Variants in VPS13D observed in about 807,000 individuals in gnomAD.
VPS13D encodes the protein intermembrane lipid transfer protein VPS13D.
A neutral mutation model predicts 461.9 loss-of-function variants in VPS13D; 187 were observed. The ratio of observed to expected loss-of-function variants is 0.40; its 90% CI spans 0.36 to 0.46. The LOEUF (loss-of-function observed/expected upper bound fraction) is 0.46. Among genes scored for constraint, VPS13D ranks in the 20% least tolerant of loss-of-function variants. The probability of loss-of-function intolerance (pLI) is 0.60; values close to 1 mark genes in which losing one functional copy is unlikely to be tolerated. For synonymous variants in VPS13D, 1,951 were observed against 1,986.3 expected (o/e 0.98, Z 0.47); for missense variants, 4,711 against 5,364.9 (o/e 0.88, Z 3.81).
intron 67 of VPS13D, among the ~76,000 whole-genome samples, chr1:12,491,121 C>T (rs1645875026): frequency 6.6e-6 from 1 of 152,152 alleles, no homozygotes; most frequent in African/African-American, 2.4e-5. Flanking sequence ...TGTGCACACT[C>T]GAGCACAGTA....
intron 65 of VPS13D, among the ~76,000 whole-genome samples, chr1:12,454,629 T>C (rs916312339): frequency 6.6e-6 from 1 of 152,232 alleles, no homozygotes; most frequent in Non-Finnish European, 1.5e-5. Context: ...CAGAACTCAC[T>C]GTCACATGTG....
intron 36 of VPS13D, 50 bp from the exon 37 acceptor site, chr1:12,329,779 T>C: frequency 6.8e-7 from 1 of 1,480,890 alleles, no homozygotes; most frequent in East Asian, 2.3e-5. Flanking sequence ...CAAAAGGCAG[T>C]TTTGGTTGCT....
intron 17 of VPS13D, among the ~76,000 whole-genome samples, chr1:12,271,737 A>T (rs1641447567): frequency 6.6e-6 from 1 of 152,110 alleles, no homozygotes; most frequent in African/African-American, 2.4e-5. Context: ...TGCATGTTTC[A>T]TGTGAGAGTT....
rs562796593 is a variant in VPS13D, at chr1:12,476,542, T to G, written c.12662+16146T>G. On this transcript the variant is annotated intron_variant, in intron 67 of 69. Coordinates refer to ENST00000620676, the MANE Select transcript of VPS13D (RefSeq NM_015378.4). ...GCTTTGTAGATTGTCCTGGGAGATGTGGCATATTATGACTAAAGACTTAAT... is the reference window on the plus strand; with the variant it reads ...GCTTTGTAGATTGTCCTGGGAGATGGGGCATATTATGACTAAAGACTTAAT... Among the ~76,000 whole-genome samples the G allele has an allele frequency of 6.6e-4, 100 of 152,372 alleles. 3 individuals carry two copies. The South Asian group carries it at 0.02, about 30-fold the overall frequency.
At chr1:12,352,499 G>C (rs1643817455) in intron 46 of VPS13D, among the ~76,000 whole-genome samples, 3 of 152,106 alleles carry the variant, frequency 2.0e-5, no homozygotes, top group Admixed American at 2.0e-4. Context: ...TATTCACTAG[G>C]GAAATGCATA....
chr1:12,342,932 A>G lies in VPS13D; in HGVS notation c.8766A>G (p.Val2922=). The G allele has an allele frequency of 6.2e-7, 1 of 1,613,702 alleles. No homozygotes were observed. Among genetic ancestry groups the G allele is most frequent in the Non-Finnish European group, 8.5e-7 (1 of 1,179,632 alleles). Residue 2922 remains valine, a synonymous_variant, in exon 42 of 70, where the codon GTA becomes GTG. Coordinates refer to ENST00000620676, the MANE Select transcript of VPS13D (RefSeq NM_015378.4). ...TCTCTCACAGTGGGAGTCCAGGGGT[A>G]GTTCCAGAAGGGAACGGAACATTTC... ...AALSHSGSPG[V]VPEGNGTFLD... is the part of the protein sequence containing the mutation.
chr1:12,456,708 C>T (rs1302339049), intron 66 of VPS13D, among the ~76,000 whole-genome samples: 1 of 151,462 alleles, frequency 6.6e-6, no homozygotes, highest in Non-Finnish European at 1.5e-5. Flanking sequence ...ACCTGATAGC[C>T]TTCCAAGCTC....
rs771455467 is a variant in VPS13D, at chr1:12,308,428, T to C, written c.6440-3T>C. 1 of 1,614,192 alleles carries C rather than the reference T, an allele frequency of 6.2e-7. No homozygotes were observed. The highest frequency in any genetic ancestry group is 8.5e-7 in the Non-Finnish European group (1 of 1,180,026). On this transcript the variant is annotated splice_polypyrimidine_tract_variant and splice_region_variant and intron_variant, in intron 26 of 69. Coordinates refer to ENST00000620676, the MANE Select transcript of VPS13D (RefSeq NM_015378.4). ...TTACCTCTCTTTCCTTGGGTCCTTGTAGAAGACCATGTCTGCCTGCTGGAT... is the reference window on the plus strand; with the variant it reads ...TTACCTCTCTTTCCTTGGGTCCTTGCAGAAGACCATGTCTGCCTGCTGGAT...
At chr1:12,386,839 T>A (rs1018215236) in intron 60 of VPS13D, among the ~76,000 whole-genome samples, 1 of 152,184 alleles carries the variant, frequency 6.6e-6, no homozygotes, top group Non-Finnish European at 1.5e-5. Flanking sequence ...AGCTGAGCCC[T>A]GTAATTGCCT....
chr1:12,258,747 T>G (rs1384195890), intron 10 of VPS13D, among the ~76,000 whole-genome samples: 1 of 152,268 alleles, frequency 6.6e-6, no homozygotes, highest in African/African-American at 2.4e-5. Context: ...CAGTAGCAGC[T>G]TAGACTGTGT....
intron 66 of VPS13D, among the ~76,000 whole-genome samples, chr1:12,459,482 C>CTTTTTTTTTT (rs869264869): frequency 6.9e-5 from 9 of 131,348 alleles, no homozygotes; most frequent in Non-Finnish European, 9.9e-5. Context: ...CTTTTCTTTT[C>CTTTTTTTTTT]TTTTTTTTTT....
At chr1:12,373,424 T>G (rs1263008849) in intron 54 of VPS13D, among the ~76,000 whole-genome samples, 1 of 151,898 alleles carries the variant, frequency 6.6e-6, no homozygotes, top group Admixed American at 6.6e-5. Context: ...CCTGGCCAAA[T>G]TTTTTGCCTT....
intron 65 of VPS13D, among the ~76,000 whole-genome samples, chr1:12,419,083 G>C (rs1229946792): frequency 6.6e-6 from 1 of 152,166 alleles, no homozygotes; most frequent in Non-Finnish European, 1.5e-5. Flanking sequence ...GTCAGCATGA[G>C]ATTATAACTT....
At position 12,385,587 on chromosome 1, in the gene VPS13D, A is replaced by G. The variant is rs113890397; in HGVS notation, c.11484+214A>G. Among the ~76,000 whole-genome samples the G allele has an allele frequency of 9.7e-3, 1,480 of 152,370 alleles. 14 individuals carry two copies. The highest frequency in any genetic ancestry group is 0.015 in the Non-Finnish European group (1,023 of 68,040). On this transcript the variant is annotated intron_variant, in intron 59 of 69. Transcript: ENST00000620676. The stretch of plus-strand genomic sequence containing the variant: ...GAATCAGCATGTAGTAAGCATTGCT[A>G]AACTATTATTACAATAAAGGAAGCT...
rs754945938 is a variant in VPS13D, at chr1:12,349,361, A to G, written c.9418A>G (p.Ser3140Gly). The G allele has an allele frequency of 2.5e-6, 4 of 1,614,154 alleles. No homozygotes were observed. The highest frequency in any genetic ancestry group is 1.1e-5 in the South Asian group (1 of 91,084). Residue 3140 changes from serine to glycine, a missense_variant, in exon 46 of 70, where the codon AGC becomes GGC. Around this residue, in one of 3 missense-constraint regions of VPS13D, gnomAD observed 4,411 missense variants for 4,937.8 expected, o/e 0.89. Coordinates refer to ENST00000620676, the MANE Select transcript of VPS13D (RefSeq NM_015378.4). ...RECHSMDTEK[S>G]RFFRFCVAIK... ...GTGCCACTCTATGGACACAGAAAAA[A>G]GCCGATTTTTCAGGTATGTAGCACC...
intron 13 of VPS13D, among the ~76,000 whole-genome samples, chr1:12,265,432 C>T (rs1340829376): frequency 6.6e-6 from 1 of 152,150 alleles, no homozygotes; most frequent in East Asian, 1.9e-4. Flanking sequence ...GTTACCACTC[C>T]CAGCCTCAAC....
chr1:12,465,730 C>T (rs1645473457), intron 67 of VPS13D, among the ~76,000 whole-genome samples: 1 of 152,132 alleles, frequency 6.6e-6, no homozygotes, highest in African/African-American at 2.4e-5. Context: ...TAAGGAAAGG[C>T]CCCTTTTGTT....
Position 12,299,178 on chromosome 1 carries a change from A to C in VPS13D, c.6034-24A>C. Reference sequence around the variant, plus strand: ...AAATTAGGGAATTAATTATCCTCTGAGTCAGTTTTCCTTCCTCTTTCAGGT... The same window carrying C: ...AAATTAGGGAATTAATTATCCTCTGCGTCAGTTTTCCTTCCTCTTTCAGGT... On this transcript the variant is annotated intron_variant, in intron 24 of 69. Transcript: ENST00000620676. The surrounding 1 kb of genome is among the most constrained non-coding windows in gnomAD (Gnocchi z 4.2). The C allele has an allele frequency of 1.9e-6, 3 of 1,545,348 alleles. No homozygotes were observed. The highest frequency in any genetic ancestry group is 2.6e-6 in the Non-Finnish European group (3 of 1,150,686).
chr1:12,385,159 G>A, intron 58 of VPS13D, 101 bp from the exon 59 acceptor site: 1 of 877,848 alleles, frequency 1.1e-6, no homozygotes. Flanking sequence ...TAGGATTATT[G>A]ATTATATAAT....
Sources: gnomAD v4.1 joint callset for allele counts (sites outside exome capture counted in the v4.1 genomes callset) on GRCh38, gnomAD v4.1.1 for gene constraint, gnomAD v4.1.1 regional missense constraint, Gnocchi (gnomAD v3.1) non-coding constraint, MANE v1.5 for transcripts, NCBI Gene and HGNC (gene_info 2026-07-23, HGNC 2026-07-21) for gene names.